The following SACM1L variants were observed in gnomAD, a reference collection of about 807,000 sequenced individuals.
SACM1L encodes the protein SAC1 like phosphatidylinositide phosphatase.
Under a neutral mutation model 89.5 loss-of-function variants are expected in SACM1L, and 32 were observed. The ratio of observed to expected loss-of-function variants is 0.36; its 90% CI spans 0.27 to 0.48. The LOEUF (loss-of-function observed/expected upper bound fraction) is 0.48. SACM1L is among the 20% of genes least tolerant of loss of function. The probability of loss-of-function intolerance (pLI) is 0.99; values close to 1 mark genes in which losing one functional copy is unlikely to be tolerated. For synonymous variants in SACM1L, 213 were observed against 232.8 expected, an observed-to-expected ratio of 0.92 and a Z score of 0.77; for missense variants, 543 against 708.5, an observed-to-expected ratio of 0.77 and a Z score of 2.65.
At chr3:45,736,126 C>T (rs1296768928) in intron 14 of SACM1L, among the ~76,000 whole-genome samples, 3 of 152,208 alleles carry the variant, frequency 2.0e-5, no homozygotes, top group Non-Finnish European at 1.5e-5. Flanking sequence ...TGCCTCAGCT[C>T]CCAAAGTGCT....
At chr3:45,718,529 A>G (rs568740922) in intron 7 of SACM1L, among the ~76,000 whole-genome samples, 12 of 152,246 alleles carry the variant, frequency 7.9e-5, no homozygotes, top group African/African-American at 1.7e-4. Context: ...CTTTTTGGTC[A>G]TTTTTAGATG....
chr3:45,721,250 G>C (rs928053042), intron 8 of SACM1L, among the ~76,000 whole-genome samples: 1 of 152,200 alleles, frequency 6.6e-6, no homozygotes, highest in Non-Finnish European at 1.5e-5. Flanking sequence ...CACCGGGTGC[G>C]GTGGCTCACG....
chr3:45,727,539 C>A (rs545167462), intron 11 of SACM1L, among the ~76,000 whole-genome samples: 21 of 152,202 alleles, frequency 1.4e-4, no homozygotes, highest in Non-Finnish European at 2.2e-4. Flanking sequence ...TTTAAATTCT[C>A]TATTTTCTTA....
At chr3:45,705,589 G>A (rs1024843604) in intron 3 of SACM1L, among the ~76,000 whole-genome samples, 5 of 140,562 alleles carry the variant, frequency 3.6e-5, no homozygotes, top group Admixed American at 7.9e-5. Flanking sequence ...TGCACCCTCC[G>A]CCTCCCGGGT....
At chr3:45,697,063 G>A (rs778451532) in intron 1 of SACM1L, among the ~76,000 whole-genome samples, 11 of 152,068 alleles carry the variant, frequency 7.2e-5, no homozygotes, top group Middle Eastern at 6.8e-3. Context: ...ATAATTAAAA[G>A]TAAGGTCTCA....
At chr3:45,702,896 T>A (rs925291717) in intron 1 of SACM1L, among the ~76,000 whole-genome samples, 2 of 152,224 alleles carry the variant, frequency 1.3e-5, no homozygotes, top group African/African-American at 4.8e-5. Context: ...AATTTGTTTT[T>A]AAAAATTTCC....
At chr3:45,739,673 A>T in intron 19 of SACM1L, 29 bp downstream of exon 19, 2 of 1,605,132 alleles carry the variant, frequency 1.2e-6, no homozygotes, top group Non-Finnish European at 1.7e-6. Context: ...TTTGTTTCTT[A>T]GTTAGAATGT....
intron 12 of SACM1L, 123 bp from the exon 13 acceptor site, chr3:45,731,930 C>G: frequency 1.7e-6 from 1 of 598,032 alleles, no homozygotes; most frequent in Non-Finnish European, 3.0e-6. Flanking sequence ...GAAGGAGGTT[C>G]TAGTGTTCCC....
At chr3:45,722,493 C>T (rs1698810848) in intron 9 of SACM1L, among the ~76,000 whole-genome samples, 1 of 152,044 alleles carries the variant, frequency 6.6e-6, no homozygotes, top group South Asian at 2.1e-4. Flanking sequence ...GCGTTAGTGG[C>T]CAAATACATT....
chr3:45,716,139 C>A (rs1397998867), intron 7 of SACM1L, among the ~76,000 whole-genome samples: 2 of 152,104 alleles, frequency 1.3e-5, no homozygotes, highest in Admixed American at 1.3e-4. Context: ...CCAGATGACT[C>A]AGGGCCTTAT....
Position 45,738,884 on chromosome 3 carries a change from A to AT in SACM1L, c.1569+15dup. The AT allele has an allele frequency of 6.5e-7, 1 of 1,548,476 alleles. No homozygotes were observed. The stretch of plus-strand genomic sequence containing the variant: ...TGGAAATTCCTGGCTGTAAGAAACC[A>AT]TTTTGTATTTTTCAAGTTTTTAAAA... On this transcript the variant is annotated intron_variant, in intron 18 of 19. Transcript: ENST00000389061.
Position 45,699,341 on chromosome 3 carries a change from A to T in SACM1L, c.33-4097A>T, listed in dbSNP as rs187515446. 2.1e-4 allele frequency among the ~76,000 whole-genome samples: 32 copies of T among 150,030 alleles called. No individual in the cohort carries two copies. In the East Asian group the frequency reaches 3.3e-3, roughly 15 times the overall value. ...GCAGTAATGGTAAAAATAAAAAAAT[A>T]AAAAAATGCTCATATTAGGCTGGGC... On this transcript the variant is annotated intron_variant, in intron 1 of 19. Coordinates refer to ENST00000389061, the MANE Select transcript of SACM1L (RefSeq NM_014016.5).
At position 45,698,926 on chromosome 3, in the gene SACM1L, G is replaced by A. The variant is rs187807245; in HGVS notation, c.33-4512G>A. Among the ~76,000 whole-genome samples, 62 of 152,008 alleles carry A rather than the reference G, an allele frequency of 4.1e-4. No individual in the cohort carries two copies. In the Middle Eastern group the frequency reaches 0.014, roughly 33 times the overall value. ...GCTGGGACTACAGGCACGTGCCACC[G>A]CACCCAGCTAATTTTTTTGTTTGTA... On this transcript the variant is annotated intron_variant, in intron 1 of 19. Transcript: ENST00000389061.
At chr3:45,731,487 T>G in intron 12 of SACM1L, 107 bp downstream of exon 12, 1 of 597,208 alleles carries the variant, frequency 1.7e-6, no homozygotes. Context: ...TTGCATTTTT[T>G]TCAATAGTAG....
chr3:45,728,817 C>T (rs1698983738), intron 11 of SACM1L, among the ~76,000 whole-genome samples: 1 of 152,090 alleles, frequency 6.6e-6, no homozygotes, highest in South Asian at 2.1e-4. Context: ...GGACTATAGG[C>T]ACATACCACC....
intron 15 of SACM1L, 45 bp downstream of exon 15, chr3:45,737,697 A>G: frequency 6.4e-7 from 1 of 1,574,674 alleles, no homozygotes; most frequent in Non-Finnish European, 8.6e-7. Context: ...AGATTTTGAA[A>G]TAAATTAATA....
At chr3:45,740,281 G>A (rs1244451955) in intron 19 of SACM1L, among the ~76,000 whole-genome samples, 2 of 152,162 alleles carry the variant, frequency 1.3e-5, no homozygotes, top group African/African-American at 4.8e-5. Flanking sequence ...TTTGGGGTGG[G>A]CGGAGGGATG....
Position 45,744,434 on chromosome 3 carries a change from C to T in SACM1L, c.*765C>T, listed in dbSNP as rs576275691. The T allele has an allele frequency of 3.3e-5, 5 of 152,670 alleles. No individual in the cohort carries two copies. Among genetic ancestry groups the T allele is most frequent in the African/African-American group, 1.2e-4 (5 of 41,524 alleles). 9.5% of individuals were successfully genotyped at this position (152,670 alleles called of 1,614,324 possible). On this transcript the variant is annotated 3_prime_UTR_variant, in exon 20 of 20. Coordinates refer to ENST00000389061, the MANE Select transcript of SACM1L (RefSeq NM_014016.5). Reference sequence around the variant, plus strand: ...AGCTGCCTCTGTTTTAAAGATTATCCCAATGTGGAAGATGCCCATGACTGG... The same window carrying T: ...AGCTGCCTCTGTTTTAAAGATTATCTCAATGTGGAAGATGCCCATGACTGG...
intron 1 of SACM1L, among the ~76,000 whole-genome samples, chr3:45,700,665 TTTAA>T (rs1474595807): frequency 2.0e-5 from 3 of 152,194 alleles, no homozygotes; most frequent in Admixed American, 2.0e-4. Context: ...TTTATTTTAC[TTTAA>T]TTATTTTTTT....
Sources: allele counts gnomAD v4.1 joint callset (sites outside exome capture counted in the v4.1 genomes callset), GRCh38; gene constraint gnomAD v4.1.1; transcripts MANE v1.5; gene names NCBI Gene and HGNC (gene_info 2026-07-23, HGNC 2026-07-21).